The following CNTN5 variants were observed in gnomAD, a reference collection of about 807,000 sequenced individuals.
CNTN5 encodes contactin 5.
A neutral mutation model predicts 129.1 loss-of-function variants in CNTN5; 77 were observed. The ratio of observed to expected loss-of-function variants is 0.60; its 90% CI spans 0.50 to 0.72. CNTN5 has a LOEUF of 0.72. CNTN5 is among the 30% of genes least tolerant of loss of function. The pLI is 0.00. For synonymous variants in CNTN5, 509 were observed against 465.6 expected, an observed-to-expected ratio of 1.09 and a Z score of -1.20; for missense variants, 1,478 against 1,328.8, an observed-to-expected ratio of 1.11 and a Z score of -1.75.
chr11:99,276,786 G>T (rs1189665775), intron 1 of CNTN5, among the ~76,000 whole-genome samples: 1 of 150,894 alleles, frequency 6.6e-6, no homozygotes, highest in African/African-American at 2.4e-5. Context: ...ATTATTTAAG[G>T]GCTACTATTT....
At chr11:99,167,975 C>G (rs10790500) in intron 1 of CNTN5, among the ~76,000 whole-genome samples, 101,916 of 151,326 alleles carry the variant, frequency 0.67, 34,714 homozygotes, top group East Asian at 0.94. Context: ...TCAATCTGTT[C>G]CCCAGGCTGG....
intron 2 of CNTN5, among the ~76,000 whole-genome samples, chr11:99,503,459 A>C (rs1946500051): frequency 6.6e-6 from 1 of 152,222 alleles, no homozygotes. Flanking sequence ...CAACCACCTA[A>C]GAGCTATGCA....
chr11:100,064,353 C>A (rs1461460480), intron 10 of CNTN5, among the ~76,000 whole-genome samples: 3 of 152,084 alleles, frequency 2.0e-5, no homozygotes, highest in Non-Finnish European at 4.4e-5. Context: ...ATAGATAGTA[C>A]ACATAAGTTT....
At chr11:99,835,112 G>A (rs1947261456) in intron 4 of CNTN5, among the ~76,000 whole-genome samples, 1 of 152,170 alleles carries the variant, frequency 6.6e-6, no homozygotes, top group African/African-American at 2.4e-5. Flanking sequence ...AGATTATTGA[G>A]TCCTACTTTG....
chr11:99,258,525 CT>C (rs2135815516), intron 1 of CNTN5, among the ~76,000 whole-genome samples: 1 of 152,052 alleles, frequency 6.6e-6, no homozygotes, highest in South Asian at 2.1e-4. Flanking sequence ...TTACACGTGT[CT>C]TTTTTACATA....
At chr11:99,465,677 T>C (rs944988413) in intron 2 of CNTN5, among the ~76,000 whole-genome samples, 2 of 151,836 alleles carry the variant, frequency 1.3e-5, no homozygotes, top group Non-Finnish European at 2.9e-5. Flanking sequence ...CTTAGATAGC[T>C]AAAAAGAAAT....
intron 1 of CNTN5, among the ~76,000 whole-genome samples, chr11:99,180,440 T>A (rs1857993282): frequency 6.6e-6 from 1 of 152,152 alleles, no homozygotes; most frequent in East Asian, 1.9e-4. Context: ...TTGTTTCGCA[T>A]AAGGTCCAGT....
Position 99,373,743 on chromosome 11 carries a change from TA to T in CNTN5, c.-71+48260del, listed in dbSNP as rs200133155. ...AAAAAAAAAAAAAAAAATTAACTGATATTTTTCATCATTCTTAATTTCAGAA... is the reference window on the plus strand; with the variant it reads ...AAAAAAAAAAAAAAAAATTAACTGATTTTTTCATCATTCTTAATTTCAGAA... On this transcript the variant is annotated intron_variant, in intron 2 of 24. Coordinates refer to ENST00000524871, the MANE Select transcript of CNTN5 (RefSeq NM_014361.4). Among the ~76,000 whole-genome samples the T allele has an allele frequency of 7.3e-3, 1,097 of 149,586 alleles. 67 individuals are homozygous for T. In the East Asian group the frequency reaches 0.12, roughly 17 times the overall value.
chr11:99,236,308 G>C (rs1861257383), intron 1 of CNTN5, among the ~76,000 whole-genome samples: 1 of 152,030 alleles, frequency 6.6e-6, no homozygotes, highest in Admixed American at 6.5e-5. Flanking sequence ...TCTCTAGGAA[G>C]GATAAGTACC....
chr11:99,132,443 A>C (rs575109818), intron 1 of CNTN5, among the ~76,000 whole-genome samples: 13 of 152,194 alleles, frequency 8.5e-5, no homozygotes, highest in Non-Finnish European at 1.5e-4. Context: ...ATATTTAAAT[A>C]GGAAGAGAGG....
intron 3 of CNTN5, among the ~76,000 whole-genome samples, chr11:99,637,856 A>G (rs145221358): frequency 6.6e-6 from 1 of 152,062 alleles, no homozygotes; most frequent in East Asian, 1.9e-4. Context: ...TCTGGTTTTA[A>G]TCCTCCTGTG....
At chr11:99,693,401 A>G (rs1284478194) in intron 3 of CNTN5, among the ~76,000 whole-genome samples, 3 of 152,096 alleles carry the variant, frequency 2.0e-5, no homozygotes, top group African/African-American at 4.8e-5. Context: ...ATTATGATAC[A>G]TAGTACAAAA....
At chr11:99,601,894 TG>T in intron 3 of CNTN5, among the ~76,000 whole-genome samples, 1 of 152,318 alleles carries the variant, frequency 6.6e-6, no homozygotes, top group East Asian at 1.9e-4. Context: ...GTAGAGAGTA[TG>T]CCATATACCT....
At chr11:99,574,956 G>A (rs1396796390) in intron 3 of CNTN5, among the ~76,000 whole-genome samples, 1 of 152,100 alleles carries the variant, frequency 6.6e-6, no homozygotes, top group African/African-American at 2.4e-5. Context: ...ACATTTTTGG[G>A]AAATAGACTG....
At chr11:100,089,677 A>C (rs948497224) in intron 13 of CNTN5, among the ~76,000 whole-genome samples, 2 of 152,180 alleles carry the variant, frequency 1.3e-5, no homozygotes, top group African/African-American at 4.8e-5. Context: ...TGGATAAAGA[A>C]AACATGGTAC....
intron 2 of CNTN5, among the ~76,000 whole-genome samples, chr11:99,348,570 G>A (rs540696633): frequency 1.3e-3 from 196 of 152,192 alleles, no homozygotes; most frequent in Non-Finnish European, 2.4e-3. Context: ...GACTGCCTTC[G>A]GATATTTTTT....
chr11:100,080,919 T>C (rs2137928052), intron 13 of CNTN5, among the ~76,000 whole-genome samples: 1 of 152,286 alleles, frequency 6.6e-6, no homozygotes, highest in South Asian at 2.1e-4. Context: ...GGTTTATATC[T>C]GAATTTATAA....
chr11:99,369,036 C>CCCT (rs1939647345), intron 2 of CNTN5, among the ~76,000 whole-genome samples: 2 of 151,702 alleles, frequency 1.3e-5, no homozygotes, highest in Non-Finnish European at 2.9e-5. Context: ...GGAAGTTAGA[C>CCCT]CCTTCCCTGC....
chr11:100,262,385 T>C (rs1479462469), intron 17 of CNTN5, among the ~76,000 whole-genome samples: 1 of 152,220 alleles, frequency 6.6e-6, no homozygotes, highest in Non-Finnish European at 1.5e-5. Flanking sequence ...AGTGTGGTGA[T>C]TCCTCAAGGA....
Sources: allele counts gnomAD v4.1 joint callset (sites outside exome capture counted in the v4.1 genomes callset), GRCh38; gene constraint gnomAD v4.1.1; transcripts MANE v1.5; gene names NCBI Gene and HGNC (gene_info 2026-07-23, HGNC 2026-07-21).